The following ATXN1 variants were observed in gnomAD, a reference collection of about 807,000 sequenced individuals.
The protein encoded by ATXN1 is ataxin 1.
Under a neutral mutation model 56.4 loss-of-function variants are expected in ATXN1, and 8 were observed. The ratio of observed to expected loss-of-function variants is 0.14; its 90% confidence interval spans 0.08 to 0.26. The LOEUF is 0.26. Among genes scored for constraint, ATXN1 ranks in the 10% least tolerant of loss-of-function variants. The pLI is 1.00. For synonymous variants in ATXN1, 514 were observed against 494.6 expected, an observed-to-expected ratio of 1.04 and a Z score of -0.52; for missense variants, 987 against 1,106.5, an observed-to-expected ratio of 0.89 and a Z score of 1.53.
At chr6:16,632,112 C>T (rs1374375502) in intron 3 of ATXN1, among the ~76,000 whole-genome samples, 1 of 152,086 alleles carries the variant, frequency 6.6e-6, no homozygotes, top group Non-Finnish European at 1.5e-5. Context: ...AATGAGATGC[C>T]TTCCTTTTCC....
chr6:16,663,649 T>A (rs1758369669), intron 2 of ATXN1, among the ~76,000 whole-genome samples: 5 of 16,398 alleles, frequency 3.0e-4, no homozygotes, highest in East Asian at 7.6e-3. Flanking sequence ...TTTAATTTTT[T>A]ATTTATTTAT....
chr6:16,685,315 C>T (rs988149742), intron 2 of ATXN1, among the ~76,000 whole-genome samples: 2 of 152,174 alleles, frequency 1.3e-5, no homozygotes, highest in Non-Finnish European at 2.9e-5. Context: ...GACATCCTCA[C>T]GCCACCACCT....
chr6:16,439,151 T>C (rs1312428330), intron 6 of ATXN1, among the ~76,000 whole-genome samples: 1 of 151,868 alleles, frequency 6.6e-6, no homozygotes, highest in Non-Finnish European at 1.5e-5. Context: ...GCCCATCCTG[T>C]GTTCCATGTT....
intron 2 of ATXN1, among the ~76,000 whole-genome samples, chr6:16,729,652 C>A (rs1759925101): frequency 6.6e-6 from 1 of 152,202 alleles, no homozygotes; most frequent in Non-Finnish European, 1.5e-5. Flanking sequence ...TCATGGAGGT[C>A]TCTGAGTTGG....
At chr6:16,706,267 T>C (rs1213925975) in intron 2 of ATXN1, among the ~76,000 whole-genome samples, 1 of 152,114 alleles carries the variant, frequency 6.6e-6, no homozygotes, top group Non-Finnish European at 1.5e-5. Context: ...GATTAATCTG[T>C]TGCCTGCTCC....
At chr6:16,378,099 T>C (rs1453735787) in intron 6 of ATXN1, among the ~76,000 whole-genome samples, 1 of 152,206 alleles carries the variant, frequency 6.6e-6, no homozygotes, top group East Asian at 1.9e-4. Context: ...TGTGTGCAGG[T>C]ACTCAGGCCA....
At chr6:16,386,590 G>T (rs1251886427) in intron 6 of ATXN1, among the ~76,000 whole-genome samples, 3 of 152,126 alleles carry the variant, frequency 2.0e-5, no homozygotes, top group Non-Finnish European at 4.4e-5. Flanking sequence ...AAATGTGGGA[G>T]CTCCTTGAGT....
At chr6:16,701,453 C>T (rs1364507916) in intron 2 of ATXN1, among the ~76,000 whole-genome samples, 1 of 152,184 alleles carries the variant, frequency 6.6e-6, no homozygotes, top group Non-Finnish European at 1.5e-5. Context: ...CTCACCACTC[C>T]TATTCAACAT....
At chr6:16,411,515 G>A (rs1248995333) in intron 6 of ATXN1, among the ~76,000 whole-genome samples, 1 of 151,966 alleles carries the variant, frequency 6.6e-6, no homozygotes, top group Admixed American at 6.6e-5. Flanking sequence ...ACATTGATCT[G>A]GCATTTTGCC....
At chr6:16,451,363 G>C (rs1759748816) in intron 6 of ATXN1, among the ~76,000 whole-genome samples, 1 of 152,236 alleles carries the variant, frequency 6.6e-6, no homozygotes, top group Admixed American at 6.5e-5. Flanking sequence ...TACTCAGGAG[G>C]CTGAGGCAGA....
chr6:16,561,320 G>A (rs1353353893), intron 4 of ATXN1, among the ~76,000 whole-genome samples: 3 of 152,126 alleles, frequency 2.0e-5, no homozygotes, highest in Non-Finnish European at 4.4e-5. Context: ...ACTGAGCAAT[G>A]ATAATATTTT....
intron 6 of ATXN1, among the ~76,000 whole-genome samples, chr6:16,380,247 CAG>C (rs1191964113): frequency 1.3e-5 from 2 of 152,214 alleles, no homozygotes; most frequent in Admixed American, 1.3e-4. Context: ...ACCCACGGAA[CAG>C]AGACTCTCCT....
intron 6 of ATXN1, among the ~76,000 whole-genome samples, chr6:16,426,771 T>G (rs1759164978): frequency 6.6e-6 from 1 of 151,758 alleles, no homozygotes; most frequent in South Asian, 2.1e-4. Context: ...CTTTCTTGTT[T>G]CCCTCCCCCT....
chr6:16,350,574 G>A (rs372685570), intron 6 of ATXN1, among the ~76,000 whole-genome samples: 36 of 152,256 alleles, frequency 2.4e-4, no homozygotes, highest in African/African-American at 8.4e-4. Flanking sequence ...TCTTCAAAAT[G>A]TCTCAACTCT....
Position 16,526,762 on chromosome 6 carries a change from T to C in ATXN1, c.-360-4074A>G, listed in dbSNP as rs568884394. Among the ~76,000 whole-genome samples, 10 of 97,802 alleles carry C rather than the reference T, an allele frequency of 1.0e-4. No individual in the cohort carries two copies. In the East Asian group the frequency reaches 4.1e-3, roughly 40 times the overall value. 64.2% of individuals were successfully genotyped at this position (97,802 alleles called of 152,430 possible). On this transcript the variant is annotated intron_variant, in intron 4 of 7. Coordinates refer to ENST00000436367, the MANE Select transcript of ATXN1 (RefSeq NM_001128164.2). ...CCTGGGCAACAAGAGCAAAACTTCA[T>C]CTCAAAAAAAAAAAAAAAAGAATAT...
intron 4 of ATXN1, among the ~76,000 whole-genome samples, chr6:16,568,570 G>C (rs1762273106): frequency 6.6e-6 from 1 of 152,186 alleles, no homozygotes; most frequent in South Asian, 2.1e-4. Flanking sequence ...ACAAACTCTA[G>C]TACCATGAGC....
At chr6:16,571,560 T>C (rs1368287504) in intron 4 of ATXN1, among the ~76,000 whole-genome samples, 3 of 152,076 alleles carry the variant, frequency 2.0e-5, no homozygotes, top group Admixed American at 6.5e-5. Context: ...GGTGCAATCA[T>C]AGCTCACTGT....
At chr6:16,346,751 C>A (rs1761403946) in intron 6 of ATXN1, among the ~76,000 whole-genome samples, 1 of 151,962 alleles carries the variant, frequency 6.6e-6, no homozygotes. Flanking sequence ...TTGCTCTCTG[C>A]GCCTCCTCTG....
At chr6:16,517,050 C>A (rs781683854) in intron 5 of ATXN1, among the ~76,000 whole-genome samples, 22 of 152,336 alleles carry the variant, frequency 1.4e-4, no homozygotes, top group Non-Finnish European at 2.8e-4. Context: ...TTTGCATTAA[C>A]CAATACCACC....
Sources: gnomAD v4.1 joint callset for allele counts (sites outside exome capture counted in the v4.1 genomes callset) on GRCh38, gnomAD v4.1.1 for gene constraint, MANE v1.5 for transcripts, NCBI Gene and HGNC (gene_info 2026-07-23, HGNC 2026-07-21) for gene names.